The following MYH7B variants were observed in gnomAD, a reference collection of about 807,000 sequenced individuals.
MYH7B encodes myosin-7B.
MYH7B carries 205 observed loss-of-function variants against 234.5 expected under a neutral mutation model. The ratio of observed to expected loss-of-function variants is 0.87; its 90% CI spans 0.78 to 0.98. The LOEUF (loss-of-function observed/expected upper bound fraction) is 0.98. MYH7B is among the 50% of genes least tolerant of loss of function. The probability of loss-of-function intolerance (pLI) is 0.00; values close to 1 mark genes in which losing one functional copy is unlikely to be tolerated. For missense variants in MYH7B, 2,652 were observed against 2,633.4 expected (o/e 1.01, Z -0.15); for synonymous variants, 1,193 against 1,105.0 (o/e 1.08, Z -1.58).
chr20:34,997,295 A>T, exon 32 of MYH7B: 1 of 1,555,384 alleles, frequency 6.4e-7, no homozygotes, highest in Non-Finnish European at 8.7e-7. Flanking sequence ...CAGAGCGGGC[A>T]GCCCGGGCCC....
intron 39 of MYH7B, 36 bp downstream of exon 39, chr20:35,000,725 A>T (rs1193532466): frequency 6.2e-7 from 1 of 1,605,578 alleles, no homozygotes. Flanking sequence ...GAGCAGGTGC[A>T]GGCCTGCTGG....
At chr20:34,968,348 AG>A (rs2147155084) in intron 2 of MYH7B, among the ~76,000 whole-genome samples, 1 of 152,362 alleles carries the variant, frequency 6.6e-6, no homozygotes, top group South Asian at 2.1e-4. Flanking sequence ...GGTCAGGCAC[AG>A]GCTAGGCTCT....
chr20:34,995,163 C>T (rs562241162), intron 27 of MYH7B, among the ~76,000 whole-genome samples, 173 bp from the exon 28 acceptor site: 3 of 152,362 alleles, frequency 2.0e-5, no homozygotes, highest in Admixed American at 6.5e-5. Flanking sequence ...CTGGTGTGTC[C>T]CTCTGCGCTA....
In MYH7B at chr20:34,999,926, G is replaced by A. The variant is rs745566665; in HGVS notation, c.4781+20G>A. 61 of 1,600,476 alleles carry A rather than the reference G, an allele frequency of 3.8e-5. 1 individual carries two copies. The Admixed American group carries it at 3.9e-4, about 10-fold the overall frequency. On this transcript the variant is annotated intron_variant, in intron 38 of 44. Transcript: ENST00000262873. ...CCTGAGGTGTGTCCATCCTTCTCCC[G>A]TCCCCACCTCCCGAGAGCAGAAGGG...
At chr20:35,000,540 C>A in exon 39 of MYH7B, 1 of 1,586,018 alleles carries the variant, frequency 6.3e-7, no homozygotes, top group South Asian at 1.1e-5. Context: ...GCTCCACGAG[C>A]AGGCGCAGGC....
chr20:34,984,110 A>G (rs959523216), intron 10 of MYH7B, among the ~76,000 whole-genome samples: 2 of 152,214 alleles, frequency 1.3e-5, no homozygotes, highest in East Asian at 3.9e-4. Flanking sequence ...CTCCCTGCCC[A>G]GAGCTAAGTC....
In MYH7B at chr20:34,977,658, C is replaced by T. The variant is rs868124121; in HGVS notation, c.-95C>T. On this transcript the variant is annotated 5_prime_UTR_variant, in exon 4 of 45. Transcript: ENST00000262873. ...GGCAATAAAAGGGGTAGCAGAGCTT[C>T]CTGCCCTCACCGTGGTGCCGAGGTA... The T allele has an allele frequency of 3.8e-6, 6 of 1,583,312 alleles. No homozygotes were observed. The African/African-American group carries it at 8.1e-5, about 21-fold the overall frequency.
intron 28 of MYH7B, 58 bp downstream of exon 28, chr20:34,995,636 A>T: frequency 1.3e-6 from 2 of 1,597,206 alleles, no homozygotes; most frequent in Non-Finnish European, 1.7e-6. Flanking sequence ...CTTTGGGGCC[A>T]GGTGGCTGCA....
At chr20:34,984,591 C>G (rs1444216034) in intron 10 of MYH7B, 101 bp from the exon 11 acceptor site, 2 of 1,052,022 alleles carry the variant, frequency 1.9e-6, no homozygotes, top group Non-Finnish European at 2.9e-6. Flanking sequence ...AACTCCACCC[C>G]CCTGTCCTGC....
chr20:34,985,155 C>G, intron 13 of MYH7B, 26 bp downstream of exon 13: 7 of 1,611,558 alleles, frequency 4.3e-6, no homozygotes, highest in Non-Finnish European at 5.9e-6. Flanking sequence ...GCGGGCGGTG[C>G]AGGGGAAGGA....
At chr20:34,981,884 T>C (rs953688680) in intron 9 of MYH7B, 3 of 130,882 alleles carry the variant, frequency 2.3e-5, no homozygotes, top group Non-Finnish European at 4.8e-5. Context: ...AAAAAGCAAG[T>C]ACCTTTAACC....
At chr20:34,980,722 G>A (rs1416714825) in exon 8 of MYH7B, 16 of 1,613,988 alleles carry the variant, frequency 9.9e-6, no homozygotes, top group South Asian at 3.3e-5. Flanking sequence ...CGCCTACAAC[G>A]ACATGCTGCG....
intron 7 of MYH7B, chr20:34,980,305 T>C: frequency 2.6e-6 from 1 of 389,152 alleles, no homozygotes; most frequent in Non-Finnish European, 4.7e-6. Context: ...TCCCAGCACT[T>C]TGGGAGGGCA....
chr20:34,988,304 G>A (rs2082071680), intron 19 of MYH7B, 42 bp downstream of exon 19: 1 of 1,588,208 alleles, frequency 6.3e-7, no homozygotes. Flanking sequence ...GGGAGGGTGT[G>A]TGTGGTGAGC....
At chr20:34,982,836 G>T (rs922520757) in intron 10 of MYH7B, among the ~76,000 whole-genome samples, 3 of 152,176 alleles carry the variant, frequency 2.0e-5, no homozygotes, top group African/African-American at 7.2e-5. Context: ...ATCTTCCATT[G>T]TGACCTTCAT....
At chr20:34,973,649 C>T (rs1181434418) in intron 2 of MYH7B, among the ~76,000 whole-genome samples, 4 of 152,232 alleles carry the variant, frequency 2.6e-5, no homozygotes, top group Non-Finnish European at 5.9e-5. Context: ...TGAAAAGTCC[C>T]CTTTTGCATG....
chr20:34,997,631 C>T (rs560358980), exon 32 of MYH7B: 24 of 1,613,410 alleles, frequency 1.5e-5, no homozygotes, highest in African/African-American at 1.3e-4. Flanking sequence ...AGACTCTGAC[C>T]CGCGCCAAGG....
chr20:34,998,917 T>C lies in MYH7B; in HGVS notation c.4190+2T>C, dbSNP rs2082314195. ...GACCGAGGAGCTGGAGGAGGCCAAG[T>C]GAGTGCTTTGCTGGCCAGGCCACTG... On this transcript the variant is annotated splice_donor_variant, in intron 35 of 44. Coordinates refer to ENST00000262873, the Ensembl canonical transcript of MYH7B. LOFTEE classifies it high-confidence loss of function. 9 of 1,610,580 alleles carry C rather than the reference T, an allele frequency of 5.6e-6. No homozygotes were observed. The highest frequency in any genetic ancestry group is 6.8e-6 in the Non-Finnish European group (8 of 1,178,342).
At chr20:34,969,505 G>A (rs2081773110) in intron 2 of MYH7B, among the ~76,000 whole-genome samples, 2 of 150,622 alleles carry the variant, frequency 1.3e-5, no homozygotes, top group Admixed American at 6.6e-5. Context: ...CGATTTTTAC[G>A]CAGGAGATGG....
Sources: gnomAD v4.1 joint callset for allele counts (sites outside exome capture counted in the v4.1 genomes callset) on GRCh38, gnomAD v4.1.1 for gene constraint, MANE v1.5 for transcripts, NCBI Gene and HGNC (gene_info 2026-07-23, HGNC 2026-07-21) for gene names.